Variants in GREB1 observed in about 807,000 individuals in gnomAD.
GREB1 encodes growth regulating estrogen receptor binding 1.
GREB1 carries 106 observed loss-of-function variants against 200.7 expected under a neutral mutation model. That is an observed-to-expected ratio of 0.53 (90% CI 0.45 to 0.62). GREB1 has a LOEUF of 0.62. GREB1 is among the 20% of genes least tolerant of loss of function. The pLI is 0.00. For missense variants in GREB1, 2,243 were observed against 2,556.8 expected, an observed-to-expected ratio of 0.88 and a Z score of 2.65; for synonymous variants, 1,132 against 1,092.4, an observed-to-expected ratio of 1.04 and a Z score of -0.72.
At chr2:11,525,774 T>C (rs189074052) in intron 1 of GREB1, among the ~76,000 whole-genome samples, 499 of 152,276 alleles carry the variant, frequency 3.3e-3, no homozygotes, top group African/African-American at 0.011. Flanking sequence ...GAACTTCATA[T>C]GCCTGGTTCT....
chr2:11,627,219 T>G, intron 25 of GREB1, 115 bp downstream of exon 25: 1 of 946,502 alleles, frequency 1.1e-6, no homozygotes, highest in Non-Finnish European at 1.5e-6. Context: ...AAGCCCTGGC[T>G]TCCTGGTCTG....
chr2:11,511,004 G>A (rs1431461409), intron 1 of GREB1, among the ~76,000 whole-genome samples: 2 of 152,144 alleles, frequency 1.3e-5, no homozygotes, highest in African/African-American at 4.8e-5. Context: ...TAAAAACACA[G>A]TCAGTGTGCC....
chr2:11,578,751 G>C (rs1679156838), intron 6 of GREB1, among the ~76,000 whole-genome samples: 1 of 152,154 alleles, frequency 6.6e-6, no homozygotes, highest in African/African-American at 2.4e-5. Context: ...GCTGAGTCAG[G>C]GTTTGAATGA....
intron 1 of GREB1, among the ~76,000 whole-genome samples, chr2:11,506,536 G>A (rs1046919038): frequency 6.6e-6 from 1 of 152,208 alleles, no homozygotes; most frequent in Non-Finnish European, 1.5e-5. Flanking sequence ...TGGAGATTTA[G>A]TTGGTGTATT....
Position 11,566,589 on chromosome 2 carries a change from C to T in GREB1, c.387C>T (p.Asp129=), listed in dbSNP as rs1677690480. The T allele has an allele frequency of 6.2e-7, 1 of 1,614,162 alleles. No individual in the cohort carries two copies. The highest frequency in any genetic ancestry group is 1.1e-5 in the South Asian group (1 of 91,080). ...GGGTCAAGTCCCCCAGCCTGCCGGA[C>T]CATCTCCTGGTGTGCGCCGTTGACA... The part of the protein sequence containing the change: ...LVGVKSPSLP[D]HLLVCAVDKR... Residue 129 remains aspartate, a synonymous_variant, in exon 4 of 33, where the codon GAC becomes GAT. Transcript: ENST00000381486.
chr2:11,519,013 C>T (rs1050982967), intron 1 of GREB1, among the ~76,000 whole-genome samples: 6 of 148,730 alleles, frequency 4.0e-5, no homozygotes, highest in Non-Finnish European at 4.4e-5. Context: ...GGCAGGATGG[C>T]GTGAACCCAG....
intron 4 of GREB1, among the ~76,000 whole-genome samples, chr2:11,568,757 A>G (rs1380581676): frequency 2.0e-5 from 3 of 152,254 alleles, no homozygotes; most frequent in Non-Finnish European, 4.4e-5. Context: ...CCAGCCCAGT[A>G]ACAGAGCCAG....
chr2:11,578,316 C>T lies in GREB1; in HGVS notation c.657C>T (p.Ile219=), dbSNP rs775148069. The T allele has an allele frequency of 6.2e-7, 1 of 1,613,448 alleles. No individual in the cohort carries two copies. Among genetic ancestry groups the T allele is most frequent in the Non-Finnish European group, 8.5e-7 (1 of 1,179,430 alleles). The part of the protein sequence containing the change: ...WKGSEFRSRQ[I]PASTCSSSLF... The stretch of plus-strand genomic sequence containing the variant: ...CCTTAGAGTTTAGAAGCCGGCAGAT[C>T]CCCGCCAGTACTTGTTCCAGTTCCC... The change falls in exon 6 of 33, where the codon ATC becomes ATT. Residue 219 remains isoleucine, a synonymous_variant. Transcript: ENST00000381486.
rs747534769 is a variant in GREB1 at position 11,640,365 on chromosome 2, G to C, written c.5761G>C (p.Glu1921Gln). 6.2e-7 allele frequency: 1 copy of C among 1,614,192 alleles called. No individual in the cohort carries two copies. Among genetic ancestry groups the C allele is most frequent in the South Asian group, 1.1e-5 (1 of 91,076 alleles). The change falls in exon 33 of 33, where the codon GAG becomes CAG. Residue 1921 changes from glutamate (E) to glutamine (Q), a missense_variant. Physicochemically the swap from Glu to Gln is conservative, Grantham distance 29. This residue lies in a region of GREB1 where 478 missense variants were observed against 616.3 expected (regional missense o/e 0.78). Coordinates refer to ENST00000381486, the MANE Select transcript of GREB1 (RefSeq NM_014668.4). The surrounding 1 kb of genome is among the most constrained non-coding windows in gnomAD (Gnocchi z 4.6). ...QTVVRLELED[E>Q]WQFRLRDEFQ... The stretch of plus-strand genomic sequence containing the variant: ...GGTCGTCCGCCTGGAGCTCGAGGAC[G>C]AGTGGCAGTTCCGGCTGCGCGATGA...
At position 11,593,003 on chromosome 2, in the gene GREB1, C is replaced by T; in HGVS notation, c.1573C>T (p.Leu525=). The change falls in exon 11 of 33, where the codon CTG becomes TTG. Residue 525 remains leucine, a synonymous_variant. Coordinates refer to ENST00000381486, the MANE Select transcript of GREB1 (RefSeq NM_014668.4). ...SVHVIECAYS[L]AEGLSEMFRL... ...GCACGTCATCGAGTGTGCTTACTCC[C>T]TGGCCGAGGGCCTCTCCGAGATGTT... The T allele has an allele frequency of 1.2e-6, 2 of 1,611,814 alleles. No individual in the cohort carries two copies. The highest frequency in any genetic ancestry group is 1.7e-6 in the Non-Finnish European group (2 of 1,179,132).
Position 11,609,367 on chromosome 2 carries a change from C to T in GREB1, c.2667-1321C>T, listed in dbSNP as rs995564145. Among the ~76,000 whole-genome samples, 18 of 152,082 alleles carry T rather than the reference C, an allele frequency of 1.2e-4. No individual in the cohort carries two copies. The East Asian group carries it at 2.1e-3, about 18-fold the overall frequency. On this transcript the variant is annotated intron_variant, in intron 17 of 32. Transcript: ENST00000381486. ...TGCCACAACCTCCATCTCCTGAGTT[C>T]AAGCGATTCTCCTGCCTCAGCCTCC... is the stretch of plus-strand genomic sequence containing the variant.
chr2:11,566,019 TTA>T (rs60231852), intron 3 of GREB1, among the ~76,000 whole-genome samples: 15 of 148,890 alleles, frequency 1.0e-4, no homozygotes, highest in Admixed American at 2.0e-4. Context: ...ATAACTATGA[TTA>T]TATATATATA....
intron 23 of GREB1, among the ~76,000 whole-genome samples, chr2:11,622,431 T>G (rs1249959975): frequency 5.3e-5 from 8 of 152,206 alleles, no homozygotes; most frequent in Admixed American, 5.2e-4. Flanking sequence ...CCTATGGACA[T>G]GCACTCTGCC....
chr2:11,523,685 C>T (rs1323984302), intron 1 of GREB1, among the ~76,000 whole-genome samples: 5 of 152,156 alleles, frequency 3.3e-5, no homozygotes, highest in Admixed American at 2.0e-4. Flanking sequence ...ACCAGAAAGA[C>T]GGGAGGACCT....
Position 11,587,741 on chromosome 2 carries a change from A to ACACACACACACGCGCGCGCGCG in GREB1, c.1160-1004_1160-1003insACACACACACGCGCGCGCGCGC. 4.1e-5 allele frequency: 32 copies of ACACACACACACGCGCGCGCGCG among 788,408 alleles called. 2 individuals carry two copies. The highest frequency in any genetic ancestry group is 3.5e-4 in the African/African-American group (20 of 56,560). The allele number at this position is 788,408 out of a possible 1,614,324, so 48.8% of individuals were successfully genotyped here. A position where few individuals can be genotyped will look rare whatever the true frequency, so the allele number is the denominator to read the frequency against. On this transcript the variant is annotated intron_variant, in intron 9 of 32. Coordinates refer to ENST00000381486, the MANE Select transcript of GREB1 (RefSeq NM_014668.4). Reference sequence around the variant, plus strand: ...CACACACACACACACACACACACACACGCCACCTTTGGGAGCTCAGCAGCC... The same window carrying ACACACACACACGCGCGCGCGCG: ...CACACACACACACACACACACACACACACACACACACGCGCGCGCGCGCGCCACCTTTGGGAGCTCAGCAGCC...
chr2:11,610,819 A>G lies in GREB1; in HGVS notation c.2798A>G (p.Gln933Arg), dbSNP rs765576941. ...TCGGTGGAGACGCTGGAGATCACGC[A>G]GAACCTCCTCAACTCCCCGAAGCAG... ...YTSVETLEIT[Q>R]NLLNSPKQCP... Residue 933 changes from glutamine (Q) to arginine (R), a missense_variant, in exon 18 of 33, where the codon CAG becomes CGG. Transcript: ENST00000381486. 1 of 1,613,488 alleles carries G rather than the reference A, an allele frequency of 6.2e-7. No individual in the cohort carries two copies. Among genetic ancestry groups the G allele is most frequent in the Middle Eastern group, 1.6e-4 (1 of 6,062 alleles).
chr2:11,611,733 A>G (rs1257372277), intron 18 of GREB1, among the ~76,000 whole-genome samples: 1 of 152,192 alleles, frequency 6.6e-6, no homozygotes, highest in Non-Finnish European at 1.5e-5. Flanking sequence ...GGCAATGGCC[A>G]TCCCCACAGA....
intron 11 of GREB1, among the ~76,000 whole-genome samples, chr2:11,593,759 G>T (rs528615783): frequency 6.6e-6 from 1 of 152,012 alleles, no homozygotes; most frequent in Non-Finnish European, 1.5e-5. Context: ...GTGAGCCACC[G>T]TGCCCGGCCA....
chr2:11,536,693 A>C (rs967750522), intron 1 of GREB1, among the ~76,000 whole-genome samples: 1 of 152,248 alleles, frequency 6.6e-6, no homozygotes, highest in African/African-American at 2.4e-5. Context: ...GCCGCACAGC[A>C]GATGGAGTTA....
Sources: allele counts gnomAD v4.1 joint callset (sites outside exome capture counted in the v4.1 genomes callset), GRCh38; gene constraint gnomAD v4.1.1; regional missense constraint gnomAD v4.1.1; non-coding constraint Gnocchi (gnomAD v3.1); transcripts MANE v1.5; gene names NCBI Gene and HGNC (gene_info 2026-07-23, HGNC 2026-07-21).